The following ENPP3 variants were observed in gnomAD, a reference collection of about 807,000 sequenced individuals.
ENPP3 encodes the protein ectonucleotide pyrophosphatase/phosphodiesterase family member 3.
A neutral mutation model predicts 117.8 loss-of-function variants in ENPP3; 104 were observed. The ratio of observed to expected loss-of-function variants is 0.88; its 90% CI spans 0.75 to 1.04. The LOEUF (loss-of-function observed/expected upper bound fraction) is 1.04, where lower values mean the gene tolerates loss of function less well. ENPP3 is among the 50% of genes least tolerant of loss of function. ENPP3 has a pLI of 0.00. For missense variants in ENPP3, 1,026 were observed against 1,051.9 expected (o/e 0.98, Z 0.34); for synonymous variants, 380 against 349.9 (o/e 1.09, Z -0.96).
chr6:131,660,753 C>A (rs941542734), intron 6 of ENPP3, among the ~76,000 whole-genome samples: 9 of 152,164 alleles, frequency 5.9e-5, no homozygotes, highest in African/African-American at 2.2e-4. Flanking sequence ...AACATGAGAT[C>A]TATCCTCTTA....
At chr6:131,643,921 G>A (rs555122703) in intron 2 of ENPP3, among the ~76,000 whole-genome samples, 25 of 144,404 alleles carry the variant, frequency 1.7e-4, no homozygotes, top group African/African-American at 2.2e-4. Flanking sequence ...AATCAGGGTC[G>A]TCTGTGTGTG....
At chr6:131,669,673 A>G (rs1247365205) in intron 6 of ENPP3, among the ~76,000 whole-genome samples, 3 of 148,326 alleles carry the variant, frequency 2.0e-5, no homozygotes, top group East Asian at 4.0e-4. Context: ...AAAAAAAAAA[A>G]AAAAAAGAAA....
chr6:131,678,014 ATTC>A (rs1045450300), intron 11 of ENPP3, 74 bp downstream of exon 11: 55 of 850,650 alleles, frequency 6.5e-5, no homozygotes, highest in Non-Finnish European at 1.0e-4. Flanking sequence ...ACAAGATAGT[ATTC>A]TTTAACTTCT....
At chr6:131,650,267 T>G in intron 3 of ENPP3, 118 bp downstream of exon 3, 3 of 1,023,864 alleles carry the variant, frequency 2.9e-6, no homozygotes, top group African/African-American at 1.6e-5. Flanking sequence ...TTGCCTAGGC[T>G]GGAGTGCAGT....
intron 20 of ENPP3, among the ~76,000 whole-genome samples, chr6:131,729,074 C>T (rs956507255): frequency 6.6e-5 from 10 of 152,210 alleles, no homozygotes; most frequent in Middle Eastern, 3.4e-3. Flanking sequence ...ATGTATCTCT[C>T]GCTCTATTTA....
In ENPP3 at chr6:131,719,783, C is replaced by T. The variant is rs146389361; in HGVS notation, c.1480-509C>T. 7.7e-3 allele frequency among the ~76,000 whole-genome samples: 1,159 copies of T among 151,212 alleles called. 7 individuals are homozygous for T. The highest frequency in any genetic ancestry group is 0.012 in the Non-Finnish European group (846 of 67,802). On this transcript the variant is annotated intron_variant, in intron 16 of 24. Coordinates refer to ENST00000357639, the MANE Select transcript of ENPP3 (RefSeq NM_005021.5). ...TTAACATTAATTAATTCAATGTAAA[C>T]CAAAATATTGAGGTCTTTTTATCCC...
At chr6:131,745,008 T>C (rs1780605157) in intron 24 of ENPP3, among the ~76,000 whole-genome samples, 1 of 152,092 alleles carries the variant, frequency 6.6e-6, no homozygotes, top group Non-Finnish European at 1.5e-5. Flanking sequence ...ATAAGTATAG[T>C]TTTGTGTTAT....
At chr6:131,669,676 A>G (rs867053696) in intron 6 of ENPP3, among the ~76,000 whole-genome samples, 78 of 146,416 alleles carry the variant, frequency 5.3e-4, no homozygotes, top group East Asian at 8.1e-4. Context: ...AAAAAAAAAA[A>G]AAAGAAAGAA....
At position 131,693,628 on chromosome 6, in the gene ENPP3, C is replaced by T. The variant is rs748203072; in HGVS notation, c.1412+4C>T. ...ATCAACAGTGGCTGGCTGTTAGGTT[C>T]GTGTATCTGTTTACTTATCTCATAA... is the stretch of plus-strand genomic sequence containing the variant. On this transcript the variant is annotated splice_donor_region_variant and intron_variant, in intron 15 of 24. Transcript: ENST00000357639. The T allele has an allele frequency of 2.5e-6, 4 of 1,612,292 alleles. No individual in the cohort carries two copies. Among genetic ancestry groups the T allele is most frequent in the South Asian group, 1.1e-5 (1 of 90,676 alleles).
rs748258147 is a variant in ENPP3, at chr6:131,675,242, T to C, written c.872+53T>C. The C allele has an allele frequency of 3.4e-6, 4 of 1,172,462 alleles. No homozygotes were observed. In the African/African-American group the frequency reaches 6.1e-5, roughly 18 times the overall value. The allele number at this position is 1,172,462 out of a possible 1,614,324, so 72.6% of individuals were successfully genotyped here. A position where few individuals can be genotyped will look rare whatever the true frequency, so the allele number is the denominator to read the frequency against. On this transcript the variant is annotated intron_variant, in intron 9 of 24. Transcript: ENST00000357639. ...CAGCTAGGCAGAAATGATCAAGATG[T>C]TTTCTGTCTTAATCTTGGTGGCAAT...
rs1249281286 is a variant in ENPP3, at chr6:131,722,233, TACGC to T, written c.1576_1579del (p.Arg526PhefsTer13). On this transcript the variant is annotated frameshift_variant, in exon 18 of 25. Coordinates refer to ENST00000357639, the MANE Select transcript of ENPP3 (RefSeq NM_005021.5). LOFTEE classifies it high-confidence loss of function. ...TAATTTTTTCAAAAAACAGATCTTC[TACGC>T]ATTCAACCAGCACCAAACAATGGAA... 1.9e-6 allele frequency: 3 copies of T among 1,610,972 alleles called. No individual in the cohort carries two copies. The Admixed American group carries it at 5.1e-5, about 27-fold the overall frequency.
chr6:131,658,210 CA>C, intron 5 of ENPP3, 112 bp from the exon 6 acceptor site: 3 of 652,958 alleles, frequency 4.6e-6, no homozygotes, highest in Non-Finnish European at 8.1e-6. Context: ...GGCTATGGCC[CA>C]AAAGTTACCC....
In ENPP3 at chr6:131,637,365, T is replaced by A; in HGVS notation, c.-20T>A. The A allele has an allele frequency of 6.5e-7, 1 of 1,534,998 alleles. No homozygotes were observed. Among genetic ancestry groups the A allele is most frequent in the South Asian group, 1.2e-5 (1 of 81,230 alleles). On this transcript the variant is annotated 5_prime_UTR_variant, in exon 1 of 25. Transcript: ENST00000357639. ...CACTAATTTATTCTGATAAAACAGG[T>A]CTATGCAGCTACCAGGACAATGGAA...
chr6:131,658,430 C>A lies in ENPP3; in HGVS notation c.562+10C>A. On this transcript the variant is annotated intron_variant, in intron 6 of 24. Coordinates refer to ENST00000357639, the MANE Select transcript of ENPP3 (RefSeq NM_005021.5). ...AATATCAATAAACTGAGTAAGTCTT[C>A]TGTAACTAGTGGCATGCAAATGATA... 7.4e-7 allele frequency: 1 copy of A among 1,353,062 alleles called. No individual in the cohort carries two copies. Among genetic ancestry groups the A allele is most frequent in the South Asian group, 1.2e-5 (1 of 85,102 alleles). 83.8% of individuals were successfully genotyped at this position (1,353,062 alleles called of 1,614,324 possible).
intron 19 of ENPP3, among the ~76,000 whole-genome samples, chr6:131,725,236 G>A (rs1298635314): frequency 6.6e-6 from 1 of 151,904 alleles, no homozygotes; most frequent in Non-Finnish European, 1.5e-5. Context: ...AAAAGTAATG[G>A]CAAAAACCAC....
At chr6:131,741,215 T>G (rs1239087097) in intron 24 of ENPP3, among the ~76,000 whole-genome samples, 1 of 152,168 alleles carries the variant, frequency 6.6e-6, no homozygotes, top group Non-Finnish European at 1.5e-5. Flanking sequence ...TTTACTGAAG[T>G]CATTCAACAA....
chr6:131,701,372 C>T, intron 15 of ENPP3: 1 of 1,613,950 alleles, frequency 6.2e-7, no homozygotes. Context: ...GTAGGAGGAA[C>T]TCTCTGATGG....
intron 6 of ENPP3, among the ~76,000 whole-genome samples, chr6:131,665,625 T>C (rs1446840666): frequency 6.6e-6 from 1 of 152,130 alleles, no homozygotes; most frequent in Non-Finnish European, 1.5e-5. Flanking sequence ...GTTTTCTCTC[T>C]TTTTCTTGGT....
intron 15 of ENPP3, among the ~76,000 whole-genome samples, chr6:131,717,058 C>A (rs1470744300): frequency 6.6e-6 from 1 of 152,084 alleles, no homozygotes; most frequent in Admixed American, 6.6e-5. Context: ...AATGAAGTGA[C>A]ATCCTTAGGA....
Sources: allele counts gnomAD v4.1 joint callset (sites outside exome capture counted in the v4.1 genomes callset), GRCh38; gene constraint gnomAD v4.1.1; transcripts MANE v1.5; gene names NCBI Gene and HGNC (gene_info 2026-07-23, HGNC 2026-07-21).